VTI1A: variants seen among roughly 807,000 people sequenced by gnomAD.
The protein encoded by VTI1A is vesicle transport through interaction with t-SNAREs homolog 1A.
Under a neutral mutation model 34.9 loss-of-function variants are expected in VTI1A, and 22 were observed. That is an observed-to-expected ratio of 0.63 (90% CI 0.45 to 0.90). The LOEUF (loss-of-function observed/expected upper bound fraction) is 0.90. Among genes scored for constraint, VTI1A ranks in the 40% least tolerant of loss-of-function variants. The pLI is 0.00. For synonymous variants in VTI1A, 87 were observed against 97.3 expected (o/e 0.89, Z 0.62); for missense variants, 268 against 275.6 (o/e 0.97, Z 0.20).
chr10:112,547,568 ACT>A (rs955803128), intron 5 of VTI1A, among the ~76,000 whole-genome samples: 6 of 152,114 alleles, frequency 3.9e-5, no homozygotes, highest in Non-Finnish European at 7.4e-5. Flanking sequence ...ACAGAGGGAG[ACT>A]CTGTCTCAAT....
chr10:112,788,326 T>A (rs1852357619), intron 7 of VTI1A, among the ~76,000 whole-genome samples: 1 of 152,154 alleles, frequency 6.6e-6, no homozygotes, highest in South Asian at 2.1e-4. Flanking sequence ...CAAGACTTAG[T>A]TATTAGGTGT....
rs540641263 is a variant in VTI1A, at chr10:112,759,883, G to C, written c.561-55407G>C. Among the ~76,000 whole-genome samples the C allele has an allele frequency of 2.0e-5, 3 of 152,250 alleles. No homozygotes were observed. In the East Asian group the frequency reaches 5.8e-4, roughly 29 times the overall value. ...GGTCTAACCAACCCCACATATTCTC[G>C]GAGTGAGGGGTGATTGAATGTGGAT... On this transcript the variant is annotated intron_variant, in intron 7 of 7. Coordinates refer to ENST00000393077, the MANE Select transcript of VTI1A (RefSeq NM_145206.4).
Position 112,447,270 on chromosome 10 carries a change from C to G in VTI1A, c.-104C>G, listed in dbSNP as rs760636886. ...TGTCCCCGGTTCTCCGTTCTGCTCT[C>G]GGGGGCACCTTCCGGGGTTCCTAAG... On this transcript the variant is annotated 5_prime_UTR_variant, in exon 1 of 8. Transcript: ENST00000393077. The G allele has an allele frequency of 3.2e-5, 41 of 1,273,646 alleles. No individual in the cohort carries two copies. The highest frequency in any genetic ancestry group is 4.4e-5 in the Non-Finnish European group (40 of 913,478). The allele number at this position is 1,273,646 out of a possible 1,614,324, so 78.9% of individuals were successfully genotyped here.
At position 112,454,056 on chromosome 10, in the gene VTI1A, C is replaced by G. The variant is rs149593210; in HGVS notation, c.95-6468C>G. Among the ~76,000 whole-genome samples, 378 of 152,248 alleles carry G rather than the reference C, an allele frequency of 2.5e-3. 2 individuals carry two copies. The highest frequency in any genetic ancestry group is 2.8e-3 in the Non-Finnish European group (188 of 68,022). On this transcript the variant is annotated intron_variant, in intron 1 of 7. Transcript: ENST00000393077. Reference sequence around the variant, plus strand: ...GTAATTGCTTTATTTCAACACTGACCATTCTATACCATGTTACACAGGGTA... The same window carrying G: ...GTAATTGCTTTATTTCAACACTGACGATTCTATACCATGTTACACAGGGTA...
intron 5 of VTI1A, among the ~76,000 whole-genome samples, chr10:112,573,419 A>C (rs111667667): frequency 1.6e-3 from 249 of 152,334 alleles, no homozygotes; most frequent in African/African-American, 5.8e-3. Flanking sequence ...GGAAAAAAAA[A>C]CCCTAATGGT....
chr10:112,751,108 G>A (rs1036536163), intron 7 of VTI1A, among the ~76,000 whole-genome samples: 4 of 152,154 alleles, frequency 2.6e-5, no homozygotes, highest in Admixed American at 2.6e-4. Flanking sequence ...TGTAAATGTG[G>A]ATATGAAGGT....
intron 5 of VTI1A, among the ~76,000 whole-genome samples, chr10:112,587,126 A>G (rs964158410): frequency 1.3e-5 from 2 of 152,306 alleles, no homozygotes; most frequent in South Asian, 2.1e-4. Flanking sequence ...AGGGATCAAC[A>G]TCTGTTGCTG....
At chr10:112,647,143 T>A (rs904298669) in intron 5 of VTI1A, among the ~76,000 whole-genome samples, 1 of 152,214 alleles carries the variant, frequency 6.6e-6, no homozygotes, top group Non-Finnish European at 1.5e-5. Flanking sequence ...ATGGGATAAA[T>A]GAAAGTTACT....
At chr10:112,607,014 T>C (rs1041781632) in intron 5 of VTI1A, among the ~76,000 whole-genome samples, 1 of 152,150 alleles carries the variant, frequency 6.6e-6, no homozygotes, top group African/African-American at 2.4e-5. Context: ...TGGCTGGGCA[T>C]GATGGCTCAT....
chr10:112,543,960 G>T (rs984773840), intron 5 of VTI1A, among the ~76,000 whole-genome samples: 5 of 152,072 alleles, frequency 3.3e-5, no homozygotes, highest in African/African-American at 1.2e-4. Context: ...TCTTGTTTTT[G>T]TCAGGTTTCT....
intron 1 of VTI1A, among the ~76,000 whole-genome samples, chr10:112,451,316 C>T (rs1847230257): frequency 6.6e-6 from 1 of 152,186 alleles, no homozygotes; most frequent in Non-Finnish European, 1.5e-5. Context: ...CCTTCTTACA[C>T]AGAGAAAACA....
At position 112,755,426 on chromosome 10, in the gene VTI1A, T is replaced by G. The variant is rs79448668; in HGVS notation, c.561-59864T>G. Among the ~76,000 whole-genome samples the G allele has an allele frequency of 2.8e-3, 429 of 152,306 alleles. 10 individuals carry two copies. In the East Asian group the frequency reaches 0.048, roughly 17 times the overall value. On this transcript the variant is annotated intron_variant, in intron 7 of 7. Transcript: ENST00000393077. Reference sequence around the variant, plus strand: ...CACACTATCCACCTTCAGTACTTGATTCCTGGTGGAGAGTGGGTTAATGAA... The same window carrying G: ...CACACTATCCACCTTCAGTACTTGAGTCCTGGTGGAGAGTGGGTTAATGAA...
intron 7 of VTI1A, among the ~76,000 whole-genome samples, chr10:112,784,327 A>G (rs143222287): frequency 1.7e-3 from 257 of 152,318 alleles, no homozygotes; most frequent in South Asian, 0.012. Flanking sequence ...TTATGCACTA[A>G]TATAGCTACA....
At chr10:112,693,784 C>T (rs1456045048) in intron 7 of VTI1A, among the ~76,000 whole-genome samples, 1 of 152,208 alleles carries the variant, frequency 6.6e-6, no homozygotes, top group Non-Finnish European at 1.5e-5. Flanking sequence ...GATAAATATG[C>T]ACTTGGAGAA....
Position 112,792,552 on chromosome 10 carries a change from G to A in VTI1A, c.561-22738G>A, listed in dbSNP as rs141552588. Among the ~76,000 whole-genome samples, 144 of 152,198 alleles carry A rather than the reference G, an allele frequency of 9.5e-4. 2 individuals carry two copies. In the East Asian group the frequency reaches 0.026, roughly 27 times the overall value. ...ACCCCTACACACACACCTAGGGCACGTTTTATGAGCATTGGAATTTTGAGT... is the reference window on the plus strand; with the variant it reads ...ACCCCTACACACACACCTAGGGCACATTTTATGAGCATTGGAATTTTGAGT... On this transcript the variant is annotated intron_variant, in intron 7 of 7. Transcript: ENST00000393077.
the VTI1A span, among the ~76,000 whole-genome samples, chr10:112,836,042 G>A: frequency 6.6e-6 from 1 of 152,164 alleles, no homozygotes; most frequent in Non-Finnish European, 1.5e-5. Flanking sequence ...AATAAACATC[G>A]GCTGCCTGGA....
chr10:112,811,608 C>T (rs1590207621), intron 7 of VTI1A, among the ~76,000 whole-genome samples: 3 of 144,584 alleles, frequency 2.1e-5, no homozygotes, highest in Admixed American at 1.5e-4. Flanking sequence ...GGCGTGAGCC[C>T]GGGAGGCGGA....
chr10:112,549,496 CAAATT>C (rs1226792061), intron 5 of VTI1A, among the ~76,000 whole-genome samples: 1 of 152,094 alleles, frequency 6.6e-6, no homozygotes, highest in East Asian at 1.9e-4. Context: ...GCGAAAATAA[CAAATT>C]AACACTTTAT....
intron 7 of VTI1A, among the ~76,000 whole-genome samples, chr10:112,718,293 G>C (rs1849678553): frequency 6.6e-6 from 1 of 152,144 alleles, no homozygotes; most frequent in Non-Finnish European, 1.5e-5. Flanking sequence ...AACAAGTTTG[G>C]TCAATGGCAT....
Sources: gnomAD v4.1 joint callset for allele counts (sites outside exome capture counted in the v4.1 genomes callset) on GRCh38, gnomAD v4.1.1 for gene constraint, MANE v1.5 for transcripts, NCBI Gene and HGNC (gene_info 2026-07-23, HGNC 2026-07-21) for gene names.